BAZ2A: variants seen among roughly 807,000 people sequenced by gnomAD.
BAZ2A encodes bromodomain adjacent to zinc finger domain protein 2A.
Under a neutral mutation model 199.9 loss-of-function variants are expected in BAZ2A, and 34 were observed. The observed-to-expected ratio is 0.17, with a 90% CI of 0.13 to 0.23. BAZ2A has a LOEUF of 0.23. BAZ2A is among the 10% of genes least tolerant of loss of function. The probability of loss-of-function intolerance (pLI) is 1.00; values close to 1 mark genes in which losing one functional copy is unlikely to be tolerated. For synonymous variants in BAZ2A, 857 were observed against 883.9 expected, an observed-to-expected ratio of 0.97 and a Z score of 0.54; for missense variants, 2,002 against 2,391.1, an observed-to-expected ratio of 0.84 and a Z score of 3.39.
At chr12:56,618,339 T>G (rs1389993654) in intron 1 of BAZ2A, among the ~76,000 whole-genome samples, 1 of 152,142 alleles carries the variant, frequency 6.6e-6, no homozygotes, top group Non-Finnish European at 1.5e-5. Context: ...GCAAGATACT[T>G]ATATTTGTAA....
intron 13 of BAZ2A, 96 bp from the exon 14 acceptor site, chr12:56,605,423 A>AT (rs376954501): frequency 0.1 from 107,737 of 1,044,556 alleles, no homozygotes; most frequent in Non-Finnish European, 0.11. Context: ...TTTTTATGTA[A>AT]TTTTTTTTTT....
Position 56,600,155 on chromosome 12 carries a change from AT to A in BAZ2A, c.4892+45del, listed in dbSNP as rs1170222269. On this transcript the variant is annotated intron_variant, in intron 24 of 28. Coordinates refer to ENST00000549884, the MANE Select transcript of BAZ2A (RefSeq NM_001300905.2). ...AGCGGATCCACTAAAGAGGGAACTT[AT>A]CCCTTTCTCTCCAAGACCAAGAATG... The A allele has an allele frequency of 2.5e-6, 4 of 1,612,200 alleles. No individual in the cohort carries two copies. In the South Asian group the frequency reaches 3.3e-5, roughly 13 times the overall value.
chr12:56,604,853 T>G, intron 14 of BAZ2A, 54 bp from the exon 15 acceptor site: 1 of 1,556,938 alleles, frequency 6.4e-7, no homozygotes, highest in Non-Finnish European at 8.8e-7. Flanking sequence ...ACAACCAAGT[T>G]GGGTGAATGT....
chr12:56,627,360 GAGGGCTGAGGCA>G, intron 1 of BAZ2A, among the ~76,000 whole-genome samples: 1 of 151,860 alleles, frequency 6.6e-6, no homozygotes, highest in South Asian at 2.1e-4. Context: ...CCAGCTACTG[GAGGGCTGAGGCA>G]GGAGGATCGC....
At chr12:56,614,169 A>C in intron 3 of BAZ2A, 31 bp from the exon 4 acceptor site, 1 of 1,600,106 alleles carries the variant, frequency 6.2e-7, no homozygotes, top group Non-Finnish European at 8.6e-7. Context: ...CCAAAAGTCA[A>C]AATCAGTGCC....
At position 56,596,453 on chromosome 12, in the gene BAZ2A, C is replaced by T. The variant is rs1398089271; in HGVS notation, c.*2165G>A. 1.3e-5 allele frequency: 2 copies of T among 152,054 alleles called. No individual in the cohort carries two copies. Among genetic ancestry groups the T allele is most frequent in the African/African-American group, 4.9e-5 (2 of 41,192 alleles). 9.4% of individuals were successfully genotyped at this position (152,054 alleles called of 1,614,324 possible). A position where few individuals can be genotyped will look rare whatever the true frequency, so the allele number is the denominator to read the frequency against. On this transcript the variant is annotated 3_prime_UTR_variant, in exon 29 of 29. Coordinates refer to ENST00000549884, the MANE Select transcript of BAZ2A (RefSeq NM_001300905.2). ...CCACTTCTTCAAACTGAGGCTAGGA[C>T]CCCACCCCGCCATATGAGTGCCTGG... is the stretch of plus-strand genomic sequence containing the variant.
In BAZ2A at chr12:56,635,633, AT is replaced by A. The variant is rs1420247925; in HGVS notation, c.4+548del. Among the ~76,000 whole-genome samples the A allele has an allele frequency of 8.5e-5, 13 of 152,256 alleles. No homozygotes were observed. The highest frequency in any genetic ancestry group is 3.1e-4 in the African/African-American group (13 of 41,546). On this transcript the variant is annotated intron_variant, in intron 1 of 29. Coordinates refer to the BAZ2A transcript ENST00000379441. This position sits in a 1 kb window ranked among gnomAD's most constrained non-coding sequence, Gnocchi z 4.1. ...GTGAGGCTGATGTGGGACCATGAGA[AT>A]CGACTTTGGTTCAGTTTTCCCCCAA...
Position 56,612,007 on chromosome 12 carries a change from C to G in BAZ2A, c.1375G>C (p.Val459Leu). Residue 459 changes from valine (V) to leucine (L), a missense_variant, in exon 6 of 29, where the codon GTC becomes CTC. By Grantham distance (32) the Val-to-Leu change is conservative. Coordinates refer to ENST00000549884, the MANE Select transcript of BAZ2A (RefSeq NM_001300905.2). ...ACCACTGAGAAGACTGCTGGAGAGA[C>G]AACTGTAGAAGCTGCGGGACAAACT... is the stretch of plus-strand genomic sequence containing the variant. The part of the protein sequence containing the change: ...PEVCPAASTV[V>L]SPAVFSVVSP... 1.2e-6 allele frequency: 2 copies of G among 1,613,386 alleles called. No individual in the cohort carries two copies. Among genetic ancestry groups the G allele is most frequent in the Non-Finnish European group, 1.7e-6 (2 of 1,179,752 alleles).
rs764128676 is a variant in BAZ2A at position 56,612,110 on chromosome 12, T to G, written c.1272A>C (p.Ser424=). ...SSTIQLHPAT[S]PAVSPTTSPA... ...GGGAGGTTGTTGGCGAGACTGCTGG[T>G]GAGGTTGCTGGATGTAGCTGAATAG... Residue 424 remains serine, a synonymous_variant, in exon 6 of 29, where the codon TCA becomes TCC. Coordinates refer to ENST00000549884, the MANE Select transcript of BAZ2A (RefSeq NM_001300905.2). The G allele has an allele frequency of 2.7e-5, 43 of 1,613,540 alleles. No homozygotes were observed. Among genetic ancestry groups the G allele is most frequent in the Non-Finnish European group, 3.6e-5 (42 of 1,179,786 alleles).
chr12:56,635,924 G>C lies in BAZ2A; in HGVS notation c.4+258C>G, dbSNP rs371968549. Among the ~76,000 whole-genome samples, 1 of 152,158 alleles carries C rather than the reference G, an allele frequency of 6.6e-6. No individual in the cohort carries two copies. Among genetic ancestry groups the C allele is most frequent in the Middle Eastern group, 3.2e-3 (1 of 316 alleles). On this transcript the variant is annotated intron_variant, in intron 1 of 29. Coordinates refer to the BAZ2A transcript ENST00000379441. The surrounding 1 kb of genome is among the most constrained non-coding windows in gnomAD (Gnocchi z 4.1). ...GGAGGAGCAGGGGCAATCCTCCACG[G>C]GGCGGCGGGGAGGGGGCTGGGAAAG...
Position 56,605,927 on chromosome 12 carries a change from A to G in BAZ2A, c.2396T>C (p.Leu799Pro). 6.4e-7 allele frequency: 1 copy of G among 1,570,170 alleles called. No homozygotes were observed. Among genetic ancestry groups the G allele is most frequent in the Middle Eastern group, 1.7e-4 (1 of 6,012 alleles). The change falls in exon 13 of 29, where the codon CTG (leucine) becomes CCG (proline). Residue 799 changes from leucine to proline, a missense_variant. Transcript: ENST00000549884. ...TTCCTCCAAGCGCCTCTGTGTGGCCAGGGTCTTATCTGCTTTACAGGCTGG... is the reference window on the plus strand; with the variant it reads ...TTCCTCCAAGCGCCTCTGTGTGGCCGGGGTCTTATCTGCTTTACAGGCTGG... ...AKPACKADKTLATQRRLEERQ... is the reference protein window; with the variant it reads ...AKPACKADKTPATQRRLEERQ...
chr12:56,631,350 C>T (rs1951305613), upstream of BAZ2A, among the ~76,000 whole-genome samples: 1 of 151,058 alleles, frequency 6.6e-6, no homozygotes, highest in African/African-American at 2.4e-5. Flanking sequence ...ACTCAGGAGG[C>T]CGAGGCAAGA....
intron 7 of BAZ2A, 138 bp from the exon 8 acceptor site, chr12:56,610,655 A>G (rs1950531634): frequency 4.2e-6 from 3 of 717,460 alleles, no homozygotes; most frequent in Admixed American, 2.6e-5. Flanking sequence ...CAAAAGCACC[A>G]AGAGAGATAA....
intron 10 of BAZ2A, among the ~76,000 whole-genome samples, chr12:56,609,239 C>A (rs1342048264): frequency 6.6e-6 from 1 of 151,778 alleles, no homozygotes; most frequent in Non-Finnish European, 1.5e-5. Flanking sequence ...AATAACACAA[C>A]TGAAGTTTAC....
At chr12:56,636,047 C>A in intron 1 of BAZ2A, 1 of 1,124,134 alleles carries the variant, frequency 8.9e-7, no homozygotes, top group Non-Finnish European at 1.3e-6. Flanking sequence ...AGCCCTGTGC[C>A]CCCCGTCCCC....
At chr12:56,629,594 C>G (rs1951226581) in intron 1 of BAZ2A, among the ~76,000 whole-genome samples, 1 of 152,184 alleles carries the variant, frequency 6.6e-6, no homozygotes, top group East Asian at 1.9e-4. Context: ...CTCTCCTGAT[C>G]TTCACGCTCA....
At chr12:56,609,986 A>G (rs747774176) in intron 9 of BAZ2A, 40 bp from the exon 10 acceptor site, 1 of 1,608,254 alleles carries the variant, frequency 6.2e-7, no homozygotes, top group Non-Finnish European at 8.5e-7. Context: ...GTAAGGAATC[A>G]GTGCAGGCCA....
chr12:56,607,974 G>A (rs1378756807), intron 10 of BAZ2A, among the ~76,000 whole-genome samples: 1 of 151,962 alleles, frequency 6.6e-6, no homozygotes. Flanking sequence ...CAGCTACTCT[G>A]GAGGCTGAGG....
chr12:56,628,195 AAAAAGACAGAAAG>A (rs1951171838), intron 1 of BAZ2A, among the ~76,000 whole-genome samples: 3 of 150,588 alleles, frequency 2.0e-5, no homozygotes, highest in Non-Finnish European at 4.4e-5. Flanking sequence ...AAAAAAAAAA[AAAAAGACAGAAAG>A]AAAAAAAAAG....
Sources: allele counts gnomAD v4.1 joint callset (sites outside exome capture counted in the v4.1 genomes callset), GRCh38; gene constraint gnomAD v4.1.1; non-coding constraint Gnocchi (gnomAD v3.1); transcripts MANE v1.5; gene names NCBI Gene and HGNC (gene_info 2026-07-23, HGNC 2026-07-21).